SORCS2: variants seen among roughly 807,000 people sequenced by gnomAD.
SORCS2 encodes the protein sortilin related VPS10 domain containing receptor 2.
SORCS2 carries 100 observed loss-of-function variants against 141.6 expected under a neutral mutation model. The ratio of observed to expected loss-of-function variants is 0.71; its 90% CI spans 0.60 to 0.83. The LOEUF (loss-of-function observed/expected upper bound fraction) is 0.83. SORCS2 is among the 40% of genes least tolerant of loss of function. The pLI is 0.00. For missense variants in SORCS2, 1,646 were observed against 1,560.2 expected, an observed-to-expected ratio of 1.05 and a Z score of -0.93; for synonymous variants, 789 against 676.9, an observed-to-expected ratio of 1.17 and a Z score of -2.57.
chr4:7,672,832 G>T (rs1218318238), intron 8 of SORCS2, among the ~76,000 whole-genome samples: 1 of 152,150 alleles, frequency 6.6e-6, no homozygotes. Context: ...GTAAAATCTA[G>T]CCAGTGAGAT....
Position 7,627,328 on chromosome 4 carries a change from G to A in SORCS2, c.649-11000G>A, listed in dbSNP as rs561997254. Among the ~76,000 whole-genome samples the A allele has an allele frequency of 3.3e-5, 5 of 152,326 alleles. No individual in the cohort carries two copies. In the East Asian group the frequency reaches 7.7e-4, roughly 23 times the overall value. On this transcript the variant is annotated intron_variant, in intron 3 of 26. Transcript: ENST00000507866. The stretch of plus-strand genomic sequence containing the variant: ...AATTCCCTCAGCTAAGCAGAGGACA[G>A]TGGGAGGCGTCCTGCTGAGAATGCC...
intron 1 of SORCS2, among the ~76,000 whole-genome samples, chr4:7,365,810 A>G (rs142612311): frequency 6.6e-6 from 1 of 152,182 alleles, no homozygotes; most frequent in African/African-American, 2.4e-5. Context: ...CCTCCTTGAG[A>G]GAGCGAGCCA....
At chr4:7,721,120 G>T (rs1055863029) in intron 18 of SORCS2, among the ~76,000 whole-genome samples, 1 of 152,192 alleles carries the variant, frequency 6.6e-6, no homozygotes, top group Non-Finnish European at 1.5e-5. Flanking sequence ...ACAGGCTGGG[G>T]TGCCCCCATG....
chr4:7,532,291 G>A (rs868345039), intron 3 of SORCS2, among the ~76,000 whole-genome samples: 1 of 152,266 alleles, frequency 6.6e-6, no homozygotes, highest in Middle Eastern at 3.4e-3. Context: ...AGCAGTTCAC[G>A]GTCACAGAAA....
At chr4:7,718,292 G>C in intron 18 of SORCS2, 109 bp downstream of exon 18, 1 of 1,285,124 alleles carries the variant, frequency 7.8e-7, no homozygotes. Flanking sequence ...AAGTGGCTCA[G>C]GGCATCGTCA....
At chr4:7,420,231 A>G (rs1176882700) in intron 2 of SORCS2, among the ~76,000 whole-genome samples, 2 of 152,198 alleles carry the variant, frequency 1.3e-5, no homozygotes, top group Non-Finnish European at 2.9e-5. Flanking sequence ...TGGCTGCAGC[A>G]ACGCCAGTTT....
intron 2 of SORCS2, among the ~76,000 whole-genome samples, chr4:7,511,430 G>T (rs1474753954): frequency 4.7e-5 from 5 of 107,218 alleles, no homozygotes; most frequent in African/African-American, 1.4e-4. Context: ...AGAGGGGCGG[G>T]GTTGGGGAGA....
intron 2 of SORCS2, among the ~76,000 whole-genome samples, chr4:7,423,746 A>T (rs1157740952): frequency 6.6e-6 from 1 of 152,120 alleles, no homozygotes; most frequent in Non-Finnish European, 1.5e-5. Flanking sequence ...GGGGTGGATG[A>T]CTTTCTTCAG....
chr4:7,577,262 C>A (rs1015534375), intron 3 of SORCS2, among the ~76,000 whole-genome samples: 3 of 152,218 alleles, frequency 2.0e-5, no homozygotes, highest in African/African-American at 7.2e-5. Context: ...GCACATCTCT[C>A]AGCACCAGTT....
rs565412270 is a variant in SORCS2 at position 7,248,072 on chromosome 4, G to A, written c.480+54946G>A. On this transcript the variant is annotated intron_variant, in intron 1 of 26. Coordinates refer to ENST00000507866, the MANE Select transcript of SORCS2 (RefSeq NM_020777.3). ...CGAGCCCCATCATACACACAGCCCC[G>A]GGGGCCATGGGTTTCATGAAAGGTC... Among the ~76,000 whole-genome samples, 7 of 152,256 alleles carry A rather than the reference G, an allele frequency of 4.6e-5. 1 individual carries two copies. In the East Asian group the frequency reaches 1.4e-3, roughly 29 times the overall value.
rs1045167149 is a variant in SORCS2, at chr4:7,500,076, C to T, written c.549-31454C>T. On this transcript the variant is annotated intron_variant, in intron 2 of 26. Transcript: ENST00000507866. The stretch of plus-strand genomic sequence containing the variant: ...CCCAGATGGACACAAGCTCTGACCT[C>T]ACGGGCTTTCTTTCCGGCTTCTGGC... Among the ~76,000 whole-genome samples the T allele has an allele frequency of 5.3e-5, 8 of 152,324 alleles. No individual in the cohort carries two copies. In the South Asian group the frequency reaches 1.2e-3, roughly 24 times the overall value.
Position 7,734,312 on chromosome 4 carries a change from A to C in SORCS2, c.3249A>C (p.Val1083=), listed in dbSNP as rs948903914. ...GCGGCGGTGGCGGCTACTGGGCGGT[A>C]GTGGTGCTGTTTGTCATCGGGCTCT... ...QLGGGGGYWA[V]VVLFVIGLFA... is the part of the protein sequence containing the mutation. The change falls in exon 25 of 27, where the codon GTA becomes GTC. Residue 1083 remains valine (V), a synonymous_variant. Transcript: ENST00000507866. The C allele has an allele frequency of 6.2e-7, 1 of 1,603,108 alleles. No homozygotes were observed. The highest frequency in any genetic ancestry group is 1.3e-5 in the African/African-American group (1 of 74,772).
chr4:7,545,170 C>T (rs1171232097), intron 3 of SORCS2, among the ~76,000 whole-genome samples: 1 of 149,732 alleles, frequency 6.7e-6, no homozygotes, highest in Non-Finnish European at 1.5e-5. Flanking sequence ...TCGAGCTTTT[C>T]AGAAAACAAG....
intron 1 of SORCS2, among the ~76,000 whole-genome samples, chr4:7,277,721 G>C (rs952997681): frequency 6.6e-6 from 1 of 152,220 alleles, no homozygotes; most frequent in African/African-American, 2.4e-5. Flanking sequence ...TGGCCAGTCA[G>C]CCTCTGGAGG....
intron 6 of SORCS2, among the ~76,000 whole-genome samples, chr4:7,661,871 C>T (rs139409177): frequency 0.016 from 2,409 of 152,098 alleles, 29 homozygotes; most frequent in Middle Eastern, 0.034. Context: ...AGGTGGGGGG[C>T]GGGGGTGGGG....
At chr4:7,728,111 G>T (rs955340962) in intron 21 of SORCS2, among the ~76,000 whole-genome samples, 1 of 152,184 alleles carries the variant, frequency 6.6e-6, no homozygotes, top group Non-Finnish European at 1.5e-5. Flanking sequence ...CAGTGACATG[G>T]GTCCTGCCTG....
chr4:7,212,984 C>T (rs2108887661), intron 1 of SORCS2, among the ~76,000 whole-genome samples: 1 of 152,360 alleles, frequency 6.6e-6, no homozygotes, highest in African/African-American at 2.4e-5. Flanking sequence ...CCCTTCCCAC[C>T]TTGTGCTGCC....
At chr4:7,248,071 C>CG (rs1433350819) in intron 1 of SORCS2, among the ~76,000 whole-genome samples, 19 of 152,086 alleles carry the variant, frequency 1.2e-4, no homozygotes, top group Non-Finnish European at 1.9e-4. Flanking sequence ...CACACAGCCC[C>CG]GGGGGCCATG....
intron 1 of SORCS2, among the ~76,000 whole-genome samples, chr4:7,364,851 A>G (rs1721785796): frequency 6.6e-6 from 1 of 152,228 alleles, no homozygotes; most frequent in African/African-American, 2.4e-5. Flanking sequence ...CCTGTGTTCA[A>G]AAAGCATTCA....
Sources: allele counts gnomAD v4.1 joint callset (sites outside exome capture counted in the v4.1 genomes callset), GRCh38; gene constraint gnomAD v4.1.1; transcripts MANE v1.5; gene names NCBI Gene and HGNC (gene_info 2026-07-23, HGNC 2026-07-21).